The following LFNG variants were observed in gnomAD, a reference collection of about 807,000 sequenced individuals.
LFNG encodes beta-1,3-N-acetylglucosaminyltransferase lunatic fringe.
In LFNG, 15 loss-of-function variants were observed where a neutral mutation model predicts 32.7. The observed-to-expected ratio is 0.46, with a 90% CI of 0.31 to 0.71. LFNG has a LOEUF of 0.71. LFNG is among the 30% of genes least tolerant of loss of function. The pLI is 0.06. For missense variants in LFNG, 520 were observed against 545.7 expected (o/e 0.95, Z 0.47); for synonymous variants, 274 against 246.8 (o/e 1.11, Z -1.03).
upstream of LFNG, chr7:2,518,525 C>G (rs1779686480): frequency 8.8e-7 from 1 of 1,132,836 alleles, no homozygotes; most frequent in Non-Finnish European, 1.4e-6. Flanking sequence ...AGAGCACCTA[C>G]TATGTCCCAA....
rs1554291255 is a variant in LFNG, at chr7:2,527,337, CGTGTGT to C, written c.*136_*141del. The C allele has an allele frequency of 6.5e-5, 94 of 1,451,896 alleles. No individual in the cohort carries two copies. Among genetic ancestry groups the C allele is most frequent in the East Asian group, 5.2e-4 (20 of 38,412 alleles). 89.9% of individuals were successfully genotyped at this position (1,451,896 alleles called of 1,614,324 possible). On this transcript the variant is annotated 3_prime_UTR_variant, in exon 8 of 8. Coordinates refer to ENST00000222725, the MANE Select transcript of LFNG (RefSeq NM_001040167.2). The surrounding 1 kb of genome is among the most constrained non-coding windows in gnomAD (Gnocchi z 4.4). ...GGCCGTGCCTGTGCGTGTGCGTGTG[CGTGTGT>C]GTGTGTGTGTACTGCATGCCCACCC...
upstream of LFNG, among the ~76,000 whole-genome samples, chr7:2,514,456 G>T (rs1444798322): frequency 1.3e-5 from 2 of 152,182 alleles, no homozygotes; most frequent in Non-Finnish European, 2.9e-5. Flanking sequence ...ATGCCTCTGT[G>T]TCTATGTGTC....
chr7:2,520,029 G>T lies in LFNG; in HGVS notation c.168G>T (p.Gly56=). ...CCGCGGGGGCTGCCCCGGCGCCCGG[G>T]CTGGGGGCGGCGGCGGCGGCGCCCG... ...AGPAGAAPAP[G]LGAAAAAPGA... Residue 56 remains glycine (G), a synonymous_variant, in exon 1 of 8, where the codon GGG becomes GGT. Coordinates refer to ENST00000222725, the MANE Select transcript of LFNG (RefSeq NM_001040167.2). This position sits in a 1 kb window ranked among gnomAD's most constrained non-coding sequence, Gnocchi z 5.0. 4 of 1,033,290 alleles carry T rather than the reference G, an allele frequency of 3.9e-6. No homozygotes were observed. The highest frequency in any genetic ancestry group is 4.6e-6 in the Non-Finnish European group (4 of 865,638). The allele number at this position is 1,033,290 out of a possible 1,614,324, so 64.0% of individuals were successfully genotyped here.
rs942636442 is a variant in LFNG at position 2,526,221 on chromosome 7, G to A, written c.822-23G>A. ...AGATGGCTCCCGCCTCTGCTCACTGGTCTGGGCCCTTCCCTCCCGCAGCGG... is the reference window on the plus strand; with the variant it reads ...AGATGGCTCCCGCCTCTGCTCACTGATCTGGGCCCTTCCCTCCCGCAGCGG... On this transcript the variant is annotated intron_variant, in intron 5 of 7. Transcript: ENST00000222725. The surrounding 1 kb of genome is among the most constrained non-coding windows in gnomAD (Gnocchi z 6.9). The A allele has an allele frequency of 3.7e-6, 6 of 1,612,004 alleles. No homozygotes were observed. The African/African-American group carries it at 8.0e-5, about 22-fold the overall frequency.
At chr7:2,524,872 T>A in intron 2 of LFNG, 129 bp downstream of exon 2, 1 of 871,272 alleles carries the variant, frequency 1.1e-6, no homozygotes, top group South Asian at 1.5e-5. Flanking sequence ...AGTTTACTCA[T>A]GGGGTTTGCT....
At chr7:2,513,549 G>A (rs58469146), upstream of LFNG, among the ~76,000 whole-genome samples, 11,182 of 152,132 alleles carry the variant, frequency 0.074, 961 homozygotes, top group African/African-American at 0.2. Flanking sequence ...CCCTCCACCC[G>A]GCCTGGAGCC....
In LFNG at chr7:2,525,321, G is replaced by A; in HGVS notation, c.581+3G>A. The stretch of plus-strand genomic sequence containing the variant: ...CGCTTCATCGAGTCCGGCAGGAAGT[G>A]AGTGTGGCCCCGGGGGACCCCCATC... On this transcript the variant is annotated splice_donor_region_variant and intron_variant, in intron 3 of 7. Coordinates refer to ENST00000222725, the MANE Select transcript of LFNG (RefSeq NM_001040167.2). The A allele has an allele frequency of 6.2e-7, 1 of 1,612,840 alleles. No individual in the cohort carries two copies. Among genetic ancestry groups the A allele is most frequent in the Non-Finnish European group, 8.5e-7 (1 of 1,179,786 alleles).
rs373376836 is a variant in LFNG at position 2,525,457 on chromosome 7, G to C, written c.625G>C (p.Ala209Pro). Residue 209 changes from alanine (A) to proline (P), a missense_variant, in exon 4 of 8, where the codon GCC becomes CCC. Around this residue, in one of 3 missense-constraint regions of LFNG, gnomAD observed 360 missense variants for 354.7 expected, o/e 1.01. Transcript: ENST00000222725. Reference sequence around the variant, plus strand: ...CGATGACAACTACGTCAACCTGCGGGCCCTGCTGCGGCTGCTGGCCAGCTA... The same window carrying C: ...CGATGACAACTACGTCAACCTGCGGCCCCTGCTGCGGCTGCTGGCCAGCTA... ...VDDDNYVNLR[A>P]LLRLLASYPH... 6.2e-7 allele frequency: 1 copy of C among 1,612,568 alleles called. No homozygotes were observed. The highest frequency in any genetic ancestry group is 1.3e-5 in the African/African-American group (1 of 74,952).
upstream of LFNG, among the ~76,000 whole-genome samples, chr7:2,514,659 AGTCT>A (rs746836589): frequency 5.6e-4 from 66 of 117,912 alleles, no homozygotes; most frequent in Admixed American, 9.6e-4. Context: ...TCCATCCGTT[AGTCT>A]GTCTGTCCTT....
Position 2,525,545 on chromosome 7 carries a change from A to T in LFNG, c.713A>T (p.Glu238Val), listed in dbSNP as rs773253056. The change falls in exon 4 of 8, where the codon GAG becomes GTG. Residue 238 changes from glutamate to valine, a missense_variant. By Grantham distance (121) the Glu-to-Val change is moderately radical. This residue lies in a region of LFNG where 360 missense variants were observed against 354.7 expected (regional missense o/e 1.01). Transcript: ENST00000222725. ...PSLDRPIQAMERVSENKVRPV... is the reference protein window; with the variant it reads ...PSLDRPIQAMVRVSENKVRPV... ...CTGGACAGGCCCATCCAGGCCATGGAGCGGGTCAGCGAGAACAAGGTGGTG... is the reference window on the plus strand; with the variant it reads ...CTGGACAGGCCCATCCAGGCCATGGTGCGGGTCAGCGAGAACAAGGTGGTG... The T allele has an allele frequency of 5.2e-5, 84 of 1,612,296 alleles. No individual in the cohort carries two copies. The highest frequency in any genetic ancestry group is 7.0e-5 in the Non-Finnish European group (82 of 1,179,796).
At chr7:2,524,011 A>G (rs1779867918) in intron 1 of LFNG, among the ~76,000 whole-genome samples, 1 of 152,046 alleles carries the variant, frequency 6.6e-6, no homozygotes, top group South Asian at 2.1e-4. Context: ...GGCCCGGTTA[A>G]CCAGGCCAGC....
Position 2,526,170 on chromosome 7 carries a change from C to A in LFNG, c.822-74C>A, listed in dbSNP as rs1393736023. ...TCCCTGAGGAGTGCAGCGCCTTTGC[C>A]TGGTGGGGCCTCCCCAGCTCCCAGC... On this transcript the variant is annotated intron_variant, in intron 5 of 7. Transcript: ENST00000222725. This position sits in a 1 kb window ranked among gnomAD's most constrained non-coding sequence, Gnocchi z 6.9. The A allele has an allele frequency of 3.9e-6, 6 of 1,552,160 alleles. No homozygotes were observed. Among genetic ancestry groups the A allele is most frequent in the Non-Finnish European group, 4.4e-6 (5 of 1,133,536 alleles).
Position 2,526,761 on chromosome 7 carries a change from G to A in LFNG, c.988-75G>A. The A allele has an allele frequency of 7.1e-7, 1 of 1,412,164 alleles. No individual in the cohort carries two copies. Among genetic ancestry groups the A allele is most frequent in the South Asian group, 1.2e-5 (1 of 85,700 alleles). The allele number at this position is 1,412,164 out of a possible 1,614,324, so 87.5% of individuals were successfully genotyped here. A position where few individuals can be genotyped will look rare whatever the true frequency, so the allele number is the denominator to read the frequency against. On this transcript the variant is annotated intron_variant, in intron 6 of 7. Transcript: ENST00000222725. The surrounding 1 kb of genome is among the most constrained non-coding windows in gnomAD (Gnocchi z 6.9). ...AGGGCAGGGCCGTTGCCTCACTCAG[G>A]GCTGTGTGGCCAGCCTGGGGCGGGG...
In LFNG at chr7:2,526,105, C is replaced by T. The variant is rs969796431; in HGVS notation, c.822-139C>T. Reference sequence around the variant, plus strand: ...GTGCCCTGGCTGTGGCCAGGGGAGGCAGAGGGAGCTGCAGCCCAGAGCTCT... The same window carrying T: ...GTGCCCTGGCTGTGGCCAGGGGAGGTAGAGGGAGCTGCAGCCCAGAGCTCT... On this transcript the variant is annotated intron_variant, in intron 5 of 7. Coordinates refer to ENST00000222725, the MANE Select transcript of LFNG (RefSeq NM_001040167.2). This position sits in a 1 kb window ranked among gnomAD's most constrained non-coding sequence, Gnocchi z 6.9. 2 of 843,114 alleles carry T rather than the reference C, an allele frequency of 2.4e-6. No individual in the cohort carries two copies. The highest frequency in any genetic ancestry group is 1.7e-5 in the South Asian group (1 of 60,470). 52.2% of individuals were successfully genotyped at this position (843,114 alleles called of 1,614,324 possible).
At position 2,527,170 on chromosome 7, in the gene LFNG, G is replaced by C. The variant is rs1429495177; in HGVS notation, c.1098G>C (p.Leu366=). 6.2e-7 allele frequency: 1 copy of C among 1,612,974 alleles called. No homozygotes were observed. The highest frequency in any genetic ancestry group is 1.7e-5 in the Admixed American group (1 of 60,022). The change falls in exon 8 of 8, where the codon CTG becomes CTC. Residue 366 remains leucine (L), a synonymous_variant. Coordinates refer to ENST00000222725, the MANE Select transcript of LFNG (RefSeq NM_001040167.2). This position sits in a 1 kb window ranked among gnomAD's most constrained non-coding sequence, Gnocchi z 4.4. ...GGTTCCGCTCCATCCACTGCCACCTGTACCCGGACACACCCTGGTGTCCCC... is the reference window on the plus strand; with the variant it reads ...GGTTCCGCTCCATCCACTGCCACCTCTACCCGGACACACCCTGGTGTCCCC... ...PSRFRSIHCH[L]YPDTPWCPRT... is the part of the protein sequence containing the mutation.
chr7:2,516,690 C>T (rs1003395415), upstream of LFNG, among the ~76,000 whole-genome samples: 1 of 152,200 alleles, frequency 6.6e-6, no homozygotes, highest in African/African-American at 2.4e-5. Context: ...GTCTCTCGGG[C>T]CATTCGCACA....
downstream of LFNG, chr7:2,528,828 T>C: frequency 1.6e-6 from 1 of 624,054 alleles, no homozygotes; most frequent in Non-Finnish European, 2.9e-6. Flanking sequence ...CCAACTTCAC[T>C]CCTGCCACGA....
downstream of LFNG, chr7:2,528,733 G>A (rs1780072498): frequency 3.4e-6 from 2 of 581,508 alleles, no homozygotes; most frequent in Non-Finnish European, 6.2e-6. Context: ...ACAACCCCAA[G>A]GCTCTGGCCT....
At chr7:2,512,780 G>A in intron 1 of LFNG, 1 of 1,255,158 alleles carries the variant, frequency 8.0e-7, no homozygotes, top group Non-Finnish European at 1.2e-6. Context: ...AGCCCCCTAT[G>A]TCTCCCCCAG....
Sources: allele counts gnomAD v4.1 joint callset (sites outside exome capture counted in the v4.1 genomes callset), GRCh38; gene constraint gnomAD v4.1.1; regional missense constraint gnomAD v4.1.1; non-coding constraint Gnocchi (gnomAD v3.1); transcripts MANE v1.5; gene names NCBI Gene and HGNC (gene_info 2026-07-23, HGNC 2026-07-21).